Variants in SLC9B1 observed in about 807,000 individuals in gnomAD.
SLC9B1 encodes sodium/hydrogen exchanger 9B1.
A neutral mutation model predicts 51.7 loss-of-function variants in SLC9B1; 32 were observed. That is an observed-to-expected ratio of 0.62 (90% CI 0.47 to 0.83). SLC9B1 has a LOEUF of 0.83. Ranked by LOEUF, SLC9B1 falls within the 40% of genes least tolerant of loss-of-function variation. SLC9B1 has a pLI of 0.00. For synonymous variants in SLC9B1, 145 were observed against 212.7 expected (o/e 0.68, Z 2.77); for missense variants, 406 against 613.2 (o/e 0.66, Z 3.57).
At chr4:102,934,819 G>A (rs1285739753) in intron 6 of SLC9B1, among the ~76,000 whole-genome samples, 1 of 149,774 alleles carries the variant, frequency 6.7e-6, no homozygotes, top group Non-Finnish European at 1.5e-5. Context: ...GAGGTAAAAA[G>A]GACCTTTTGA....
chr4:102,967,594 T>C (rs983227320), intron 3 of SLC9B1, among the ~76,000 whole-genome samples: 4 of 152,218 alleles, frequency 2.6e-5, no homozygotes, highest in African/African-American at 7.2e-5. Flanking sequence ...CCTCACCGTA[T>C]AGCAACTCAT....
At chr4:103,009,467 G>A (rs1053331648) in intron 1 of SLC9B1, among the ~76,000 whole-genome samples, 8 of 152,246 alleles carry the variant, frequency 5.3e-5, no homozygotes, top group Admixed American at 5.2e-4. Context: ...AATTAAATTT[G>A]ACAACAGCAT....
chr4:102,893,364 T>C (rs184582742), intron 11 of SLC9B1, among the ~76,000 whole-genome samples: 4 of 147,612 alleles, frequency 2.7e-5, no homozygotes, highest in African/African-American at 7.6e-5. Flanking sequence ...TAGCAACACA[T>C]TGGAAAATCT....
intron 11 of SLC9B1, among the ~76,000 whole-genome samples, chr4:102,886,352 G>T (rs192875823): frequency 6.6e-6 from 1 of 152,016 alleles, no homozygotes; most frequent in African/African-American, 2.4e-5. Context: ...TTAGCCAGGC[G>T]TGGTGGCATG....
At chr4:102,991,784 A>G (rs1196047405) in intron 1 of SLC9B1, 72 bp from the exon 2 acceptor site, 4 of 1,049,536 alleles carry the variant, frequency 3.8e-6, no homozygotes, top group Non-Finnish European at 5.3e-6. Flanking sequence ...AAACATGGTT[A>G]AGTGGGATTA....
At chr4:102,949,824 G>A (rs1737455152) in intron 3 of SLC9B1, among the ~76,000 whole-genome samples, 1 of 151,966 alleles carries the variant, frequency 6.6e-6, no homozygotes, top group Admixed American at 6.6e-5. Context: ...AGCCAGGCGT[G>A]GTGGTGCGTG....
At chr4:102,962,633 T>G (rs1260048408) in intron 3 of SLC9B1, 2 of 472,858 alleles carry the variant, frequency 4.2e-6, no homozygotes, top group Non-Finnish European at 4.4e-6. Context: ...TGTAGAAGGT[T>G]ATGTAATTGG....
At chr4:102,909,029 G>T (rs913812073) in intron 9 of SLC9B1, among the ~76,000 whole-genome samples, 1 of 152,240 alleles carries the variant, frequency 6.6e-6, no homozygotes, top group African/African-American at 2.4e-5. Flanking sequence ...TCATCTAATA[G>T]TAAAAAGAAT....
At chr4:102,931,486 T>C (rs1264608470) in intron 7 of SLC9B1, among the ~76,000 whole-genome samples, 1 of 152,170 alleles carries the variant, frequency 6.6e-6, no homozygotes, top group Non-Finnish European at 1.5e-5. Context: ...TAAGAGAAAC[T>C]ATAAAACTAT....
chr4:102,903,596 G>C (rs1734887664), intron 11 of SLC9B1, among the ~76,000 whole-genome samples: 1 of 152,256 alleles, frequency 6.6e-6, no homozygotes, highest in Admixed American at 6.5e-5. Context: ...CATGATAATA[G>C]AGGTTTTTTT....
At chr4:103,005,994 A>G (rs1470286693) in intron 1 of SLC9B1, among the ~76,000 whole-genome samples, 1 of 152,148 alleles carries the variant, frequency 6.6e-6, no homozygotes, top group Non-Finnish European at 1.5e-5. Flanking sequence ...TATAAAAGTT[A>G]GAAAGATCTC....
At chr4:102,982,884 T>C (rs1365269162) in intron 3 of SLC9B1, among the ~76,000 whole-genome samples, 9 of 152,114 alleles carry the variant, frequency 5.9e-5, no homozygotes, top group Non-Finnish European at 1.2e-4. Context: ...TTTACTTTCC[T>C]TGTCATAATT....
chr4:102,935,563 A>G (rs1355757993), intron 6 of SLC9B1, among the ~76,000 whole-genome samples: 1 of 152,234 alleles, frequency 6.6e-6, no homozygotes, highest in Non-Finnish European at 1.5e-5. Context: ...CTGTTGACAT[A>G]CAATGTAGTC....
chr4:102,984,099 G>A (rs960579165), intron 3 of SLC9B1, among the ~76,000 whole-genome samples: 9 of 151,692 alleles, frequency 5.9e-5, no homozygotes, highest in Admixed American at 6.6e-5. Context: ...TTTGTTCAAA[G>A]TACTTGTATT....
intron 3 of SLC9B1, among the ~76,000 whole-genome samples, chr4:102,955,160 A>G (rs1372154546): frequency 6.6e-6 from 1 of 152,110 alleles, no homozygotes; most frequent in African/African-American, 2.4e-5. Context: ...AGATAATTGA[A>G]TCATGGGGGT....
At chr4:102,922,441 G>A (rs1314357867) in intron 7 of SLC9B1, among the ~76,000 whole-genome samples, 2 of 152,106 alleles carry the variant, frequency 1.3e-5, no homozygotes, top group Non-Finnish European at 1.5e-5. Flanking sequence ...AGCACTAAAT[G>A]CCCAGAAGAG....
intron 2 of SLC9B1, 54 bp downstream of exon 2, chr4:102,991,589 T>C: frequency 2.5e-6 from 3 of 1,193,954 alleles, no homozygotes; most frequent in Admixed American, 3.0e-5. Context: ...GGAATAAATT[T>C]TAAGATCAGG....
intron 3 of SLC9B1, chr4:102,962,708 G>A: frequency 4.2e-6 from 2 of 471,028 alleles, no homozygotes; most frequent in South Asian, 3.2e-5. Context: ...GCTGCTAAGG[G>A]AGAGGGAGGT....
intron 3 of SLC9B1, among the ~76,000 whole-genome samples, chr4:102,977,458 G>C (rs1739137234): frequency 6.6e-6 from 1 of 152,156 alleles, no homozygotes; most frequent in Non-Finnish European, 1.5e-5. Flanking sequence ...GCTTGTAGTT[G>C]AGGGTAGATA....
Sources: allele counts gnomAD v4.1 joint callset (sites outside exome capture counted in the v4.1 genomes callset), GRCh38; gene constraint gnomAD v4.1.1; transcripts MANE v1.5; gene names NCBI Gene and HGNC (gene_info 2026-07-23, HGNC 2026-07-21).